The following TAF5 variants were observed in gnomAD, a reference collection of about 807,000 sequenced individuals.
The protein encoded by TAF5 is TATA-box binding protein associated factor 5, also known as transcription initiation factor TFIID subunit 5.
TAF5 carries 20 observed loss-of-function variants against 80.9 expected under a neutral mutation model. That is an observed-to-expected ratio of 0.25 (90% CI 0.17 to 0.36). TAF5 has a LOEUF of 0.36. Ranked by LOEUF, TAF5 falls within the 10% of genes least tolerant of loss-of-function variation. The pLI, the probability that TAF5 is intolerant of heterozygous loss-of-function variation, is 1.00. For synonymous variants in TAF5, 388 were observed against 406.4 expected (o/e 0.95, Z 0.55); for missense variants, 863 against 1,029.4 (o/e 0.84, Z 2.21).
Position 103,387,518 on chromosome 10 carries a change from T to C in TAF5, c.2008-3T>C. The C allele has an allele frequency of 6.2e-7, 1 of 1,605,186 alleles. No homozygotes were observed. The highest frequency in any genetic ancestry group is 1.1e-5 in the South Asian group (1 of 90,036). On this transcript the variant is annotated splice_polypyrimidine_tract_variant and splice_region_variant and intron_variant, in intron 9 of 10. Coordinates refer to ENST00000369839, the MANE Select transcript of TAF5 (RefSeq NM_006951.5). ...TTGATCTTTTCTATGAACTTTTTTC[T>C]AGGGACCAATTCATTCCTTGACATT...
intron 3 of TAF5, 48 bp from the exon 4 acceptor site, chr10:103,379,560 T>G (rs1219334029): frequency 7.0e-7 from 1 of 1,427,776 alleles, no homozygotes. Context: ...AAAATGGGTA[T>G]ATTAATGAAT....
intron 5 of TAF5, among the ~76,000 whole-genome samples, chr10:103,381,178 A>G (rs971822355): frequency 1.3e-5 from 2 of 151,956 alleles, no homozygotes; most frequent in Non-Finnish European, 2.9e-5. Context: ...TGAATTCCTG[A>G]GCTCAGGCAA....
intron 1 of TAF5, among the ~76,000 whole-genome samples, chr10:103,372,340 T>C (rs928925668): frequency 6.6e-6 from 1 of 150,446 alleles, no homozygotes; most frequent in Non-Finnish European, 1.5e-5. Context: ...CGGTGGCTCG[T>C]ACTTTTTTTT....
chr10:103,368,041 G>C lies in TAF5; in HGVS notation c.52G>C (p.Glu18Gln). ...GGAGGTGGCGGTCAAGCTAGAGCCT[G>C]AGGGACCGCCAACGCTGCTACCTCC... is the stretch of plus-strand genomic sequence containing the variant. ...QTEVAVKLEPEGPPTLLPPQA... is the reference protein window; with the variant it reads ...QTEVAVKLEPQGPPTLLPPQA... The change falls in exon 1 of 11, where the codon GAG becomes CAG. Residue 18 changes from glutamate (E) to glutamine (Q), a missense_variant. This residue lies in a region of TAF5 where 367 missense variants were observed against 335.5 expected (regional missense o/e 1.09). Transcript: ENST00000369839. 1.4e-6 allele frequency: 2 copies of C among 1,453,032 alleles called. No homozygotes were observed. The highest frequency in any genetic ancestry group is 3.0e-5 in the East Asian group (1 of 33,692). 90.0% of individuals were successfully genotyped at this position (1,453,032 alleles called of 1,614,324 possible). A position where few individuals can be genotyped will look rare whatever the true frequency, so the allele number is the denominator to read the frequency against.
intron 7 of TAF5, 130 bp downstream of exon 7, chr10:103,383,497 C>A: frequency 3.4e-6 from 3 of 889,954 alleles, no homozygotes; most frequent in East Asian, 3.5e-5. Flanking sequence ...TGACGTTCAT[C>A]ATCTTTTAGA....
intron 1 of TAF5, among the ~76,000 whole-genome samples, chr10:103,372,752 T>C (rs1276017121): frequency 1.3e-5 from 2 of 151,532 alleles, no homozygotes; most frequent in Non-Finnish European, 2.9e-5. Flanking sequence ...AAAAATTAGC[T>C]GGGCATAGTG....
intron 8 of TAF5, 45 bp downstream of exon 8, chr10:103,385,535 A>C (rs138570017): frequency 6.3e-7 from 1 of 1,590,380 alleles, no homozygotes. Context: ...CAATGAACAG[A>C]ATGGTTTCTT....
rs753836985 is a variant in TAF5 at position 103,387,495 on chromosome 10, G to C, written c.2008-26G>C. 1.9e-6 allele frequency: 3 copies of C among 1,593,366 alleles called. No individual in the cohort carries two copies. In the East Asian group the frequency reaches 6.7e-5, roughly 36 times the overall value. Reference sequence around the variant, plus strand: ...TGTCTTATTTTCCTAGACATACTTTGATCTTTTCTATGAACTTTTTTCTAG... The same window carrying C: ...TGTCTTATTTTCCTAGACATACTTTCATCTTTTCTATGAACTTTTTTCTAG... On this transcript the variant is annotated intron_variant, in intron 9 of 10. Coordinates refer to ENST00000369839, the MANE Select transcript of TAF5 (RefSeq NM_006951.5).
At position 103,378,109 on chromosome 10, in the gene TAF5, G is replaced by A; in HGVS notation, c.798-126G>A. 1 of 733,100 alleles carries A rather than the reference G, an allele frequency of 1.4e-6. No individual in the cohort carries two copies. The highest frequency in any genetic ancestry group is 3.1e-5 in the Admixed American group (1 of 32,626). 45.4% of individuals were successfully genotyped at this position (733,100 alleles called of 1,614,324 possible). On this transcript the variant is annotated intron_variant, in intron 2 of 10. Transcript: ENST00000369839. The surrounding 1 kb of genome is among the most constrained non-coding windows in gnomAD (Gnocchi z 4.1). ...GAAATGAGTTACTTCTTATCCTACAGCTTAGTTCAGGATTATTTAGACTAC... is the reference window on the plus strand; with the variant it reads ...GAAATGAGTTACTTCTTATCCTACAACTTAGTTCAGGATTATTTAGACTAC...
intron 3 of TAF5, among the ~76,000 whole-genome samples, chr10:103,379,153 G>A (rs964630951): frequency 6.6e-6 from 1 of 152,172 alleles, no homozygotes; most frequent in Non-Finnish European, 1.5e-5. Context: ...TGCCATCAAG[G>A]TCCCTGGCTC....
chr10:103,375,464 G>T (rs1309264845), intron 2 of TAF5, among the ~76,000 whole-genome samples: 1 of 152,154 alleles, frequency 6.6e-6, no homozygotes, highest in Admixed American at 6.6e-5. Context: ...GACTTGATTT[G>T]TCAGCCTTGG....
intron 5 of TAF5, 141 bp downstream of exon 5, chr10:103,380,160 C>T (rs1040125882): frequency 4.2e-4 from 423 of 1,008,666 alleles, no homozygotes; most frequent in Non-Finnish European, 5.6e-4. Flanking sequence ...GACAGAGTCT[C>T]GCTCTGTCGC....
intron 1 of TAF5, 37 bp from the exon 2 acceptor site, chr10:103,373,321 A>T: frequency 6.5e-7 from 1 of 1,545,904 alleles, no homozygotes; most frequent in Non-Finnish European, 8.9e-7. Flanking sequence ...TGGTCATAAT[A>T]GGTCATTTTC....
At position 103,378,666 on chromosome 10, in the gene TAF5, G is replaced by GTT; in HGVS notation, c.1113+118_1113+119dup. The stretch of plus-strand genomic sequence containing the variant: ...AGCTTGGAAACAATTTTTTTCGTTT[G>GTT]TTTGTTTTGAGACGGAGTTTTGCTC... On this transcript the variant is annotated intron_variant, in intron 3 of 10. Coordinates refer to ENST00000369839, the MANE Select transcript of TAF5 (RefSeq NM_006951.5). This position sits in a 1 kb window ranked among gnomAD's most constrained non-coding sequence, Gnocchi z 4.1. 1 of 1,272,378 alleles carries GTT rather than the reference G, an allele frequency of 7.9e-7. No individual in the cohort carries two copies. The highest frequency in any genetic ancestry group is 1.1e-6 in the Non-Finnish European group (1 of 940,014). 78.8% of individuals were successfully genotyped at this position (1,272,378 alleles called of 1,614,324 possible).
chr10:103,385,112 TAG>T (rs1384735286), intron 7 of TAF5, among the ~76,000 whole-genome samples: 28 of 152,324 alleles, frequency 1.8e-4, no homozygotes, highest in Non-Finnish European at 3.5e-4. Flanking sequence ...TCGGTATATG[TAG>T]AGTGTCAGGG....
rs1316251474 is a variant in TAF5 at position 103,388,541 on chromosome 10, A to G, written c.*318A>G. 5 of 193,816 alleles carry G rather than the reference A, an allele frequency of 2.6e-5. No individual in the cohort carries two copies. The highest frequency in any genetic ancestry group is 4.7e-5 in the African/African-American group (2 of 42,646). 12.0% of individuals were successfully genotyped at this position (193,816 alleles called of 1,614,324 possible). On this transcript the variant is annotated 3_prime_UTR_variant, in exon 11 of 11. Transcript: ENST00000369839. Reference sequence around the variant, plus strand: ...ACATTTAGAAAAAAAGTTGATTTCAATAATTCATCCTGCTTCAAGATTCAA... The same window carrying G: ...ACATTTAGAAAAAAAGTTGATTTCAGTAATTCATCCTGCTTCAAGATTCAA...
rs1174393348 is a variant in TAF5 at position 103,373,586 on chromosome 10, T to C, written c.788T>C (p.Phe263Ser). The change falls in exon 2 of 11, where the codon TTC becomes TCC. Residue 263 changes from phenylalanine (F) to serine (S), a missense_variant. Around this residue, in one of 3 missense-constraint regions of TAF5, gnomAD observed 128 missense variants for 232.2 expected, o/e 0.55. Transcript: ENST00000369839. Reference sequence around the variant, plus strand: ...CAACATGAGAATGAAGCAAAGTCATTCTTTGAGAAGTATGTAAATTTTTAC... The same window carrying C: ...CAACATGAGAATGAAGCAAAGTCATCCTTTGAGAAGTATGTAAATTTTTAC... Reference protein sequence around the residue: ...YNQHENEAKSFFEKFHGDQEC... With the variant: ...YNQHENEAKSSFEKFHGDQEC... The C allele has an allele frequency of 6.2e-7, 1 of 1,612,616 alleles. No homozygotes were observed. Among genetic ancestry groups the C allele is most frequent in the Non-Finnish European group, 8.5e-7 (1 of 1,178,976 alleles).
At chr10:103,373,316 A>C (rs1019379901) in intron 1 of TAF5, 42 bp from the exon 2 acceptor site, 2 of 1,546,128 alleles carry the variant, frequency 1.3e-6, no homozygotes, top group African/African-American at 2.7e-5. Context: ...TCACATGGTC[A>C]TAATAGGTCA....
At chr10:103,376,153 G>A (rs1021623595) in intron 2 of TAF5, among the ~76,000 whole-genome samples, 3 of 150,752 alleles carry the variant, frequency 2.0e-5, no homozygotes, top group African/African-American at 4.9e-5. Flanking sequence ...ATGCAGTGGC[G>A]CCATCTCGGC....
Sources: gnomAD v4.1 joint callset for allele counts (sites outside exome capture counted in the v4.1 genomes callset) on GRCh38, gnomAD v4.1.1 for gene constraint, gnomAD v4.1.1 regional missense constraint, Gnocchi (gnomAD v3.1) non-coding constraint, MANE v1.5 for transcripts, NCBI Gene and HGNC (gene_info 2026-07-23, HGNC 2026-07-21) for gene names.